RANGRF: variants seen among roughly 807,000 people sequenced by gnomAD.
RANGRF encodes RAN guanine nucleotide release factor.
Under a neutral mutation model 21.8 loss-of-function variants are expected in RANGRF, and 17 were observed. The ratio of observed to expected loss-of-function variants is 0.78; its 90% CI spans 0.53 to 1.17. The LOEUF (loss-of-function observed/expected upper bound fraction) is 1.17, where lower values mean the gene tolerates loss of function less well. Among genes scored for constraint, RANGRF ranks in the 50% most tolerant of loss-of-function variants. RANGRF has a pLI of 0.00. For missense variants in RANGRF, 225 were observed against 235.5 expected, an observed-to-expected ratio of 0.96 and a Z score of 0.29; for synonymous variants, 97 against 94.3, an observed-to-expected ratio of 1.03 and a Z score of -0.17.
rs369313473 is a variant in RANGRF, at chr17:8,289,774, T to A, written c.438-39T>A. On this transcript the variant is annotated intron_variant, in intron 4 of 4. Coordinates refer to ENST00000226105, the MANE Select transcript of RANGRF (RefSeq NM_016492.5). ...ATTGGCAATTTCCAAACCTCAGGCC[T>A]GGATGATGTTCTGTCTCCATCTGTT... 1.7e-5 allele frequency: 28 copies of A among 1,613,558 alleles called. No homozygotes were observed. The African/African-American group carries it at 3.6e-4, about 21-fold the overall frequency.
Position 8,290,050 on chromosome 17 carries a change from G to A in RANGRF, c.*114G>A. ...ATTTCTTCCCTGTGCGTAAACATAAGACAATCCCTCTTCAGAATAAACTTG... is the reference window on the plus strand; with the variant it reads ...ATTTCTTCCCTGTGCGTAAACATAAAACAATCCCTCTTCAGAATAAACTTG... On this transcript the variant is annotated 3_prime_UTR_variant, in exon 5 of 5. Coordinates refer to ENST00000226105, the MANE Select transcript of RANGRF (RefSeq NM_016492.5). 1 of 1,579,790 alleles carries A rather than the reference G, an allele frequency of 6.3e-7. No homozygotes were observed. Among genetic ancestry groups the A allele is most frequent in the Non-Finnish European group, 8.6e-7 (1 of 1,160,500 alleles).
In RANGRF at chr17:8,288,681, C is replaced by G. The variant is rs983845116; in HGVS notation, c.-108C>G. 27 of 1,286,978 alleles carry G rather than the reference C, an allele frequency of 2.1e-5. No individual in the cohort carries two copies. The highest frequency in any genetic ancestry group is 3.0e-5 in the Non-Finnish European group (27 of 886,872). 79.7% of individuals were successfully genotyped at this position (1,286,978 alleles called of 1,614,324 possible). On this transcript the variant is annotated 5_prime_UTR_variant, in exon 1 of 5. Coordinates refer to ENST00000226105, the MANE Select transcript of RANGRF (RefSeq NM_016492.5). ...ATCTTAAAGGATCCGGGAGCTAAGC[C>G]AGACCCGGGTGGCGGTGGCAGCTGC...
rs141507740 is a variant in RANGRF at position 8,288,787 on chromosome 17, C to A, written c.-2C>A. 4 of 1,614,058 alleles carry A rather than the reference C, an allele frequency of 2.5e-6. No individual in the cohort carries two copies. Among genetic ancestry groups the A allele is most frequent in the Middle Eastern group, 1.6e-4 (1 of 6,062 alleles). On this transcript the variant is annotated 5_prime_UTR_variant, in exon 1 of 5. Coordinates refer to ENST00000226105, the MANE Select transcript of RANGRF (RefSeq NM_016492.5). ...TAATGCCCATAACCCAGCCTCAGAC[C>A]CATGGAGCCCACGAGAGACTGCCCG...
chr17:8,289,516 T>TGAC lies in RANGRF; in HGVS notation c.366_368dup (p.Thr123dup). The TGAC allele has an allele frequency of 6.2e-7, 1 of 1,614,178 alleles. No individual in the cohort carries two copies. The highest frequency in any genetic ancestry group is 8.5e-7 in the Non-Finnish European group (1 of 1,180,034). ...TGATCCCCTTAGGTAGCAAAGGACG[T>TGAC]GACACTTCATCAGGCCTTGCTGAGG... On this transcript the variant is annotated inframe_insertion, in exon 4 of 5. Coordinates refer to ENST00000226105, the MANE Select transcript of RANGRF (RefSeq NM_016492.5).
rs151189313 is a variant in RANGRF, at chr17:8,289,515, G to A, written c.364G>A (p.Val122Met). ...CTGATCCCCTTAGGTAGCAAAGGAC[G>A]TGACACTTCATCAGGCCTTGCTGAG... ...AKENQQVAKD[V>M]TLHQALLRLP... is the part of the protein sequence containing the mutation. The change falls in exon 4 of 5, where the codon GTG becomes ATG. Residue 122 changes from valine to methionine, a missense_variant. Coordinates refer to ENST00000226105, the MANE Select transcript of RANGRF (RefSeq NM_016492.5). 34 of 1,614,202 alleles carry A rather than the reference G, an allele frequency of 2.1e-5. No homozygotes were observed. The African/African-American group carries it at 4.4e-4, about 21-fold the overall frequency.
chr17:8,289,380 C>A lies in RANGRF; in HGVS notation c.317C>A (p.Ser106Tyr). 6.2e-7 allele frequency: 1 copy of A among 1,614,090 alleles called. No homozygotes were observed. The highest frequency in any genetic ancestry group is 1.3e-5 in the African/African-American group (1 of 75,018). Residue 106 changes from serine to tyrosine, a missense_variant, in exon 3 of 5, where the codon TCT becomes TAT. Physicochemically the swap from Ser to Tyr is moderately radical, Grantham distance 144. Coordinates refer to ENST00000226105, the MANE Select transcript of RANGRF (RefSeq NM_016492.5). Reference sequence around the variant, plus strand: ...CGCTGTCAAGAAGCCTGGGTCCTCTCTGGCAAGCAGCAGATAGCTAAGGAA... The same window carrying A: ...CGCTGTCAAGAAGCCTGGGTCCTCTATGGCAAGCAGCAGATAGCTAAGGAA... ...RGRCQEAWVLSGKQQIAKENQ... is the reference protein window; with the variant it reads ...RGRCQEAWVLYGKQQIAKENQ...
Position 8,288,898 on chromosome 17 carries a change from C to G in RANGRF, c.77+33C>G, listed in dbSNP as rs776014099. 1.8e-5 allele frequency: 29 copies of G among 1,614,032 alleles called. No homozygotes were observed. In the South Asian group the frequency reaches 3.2e-4, roughly 18 times the overall value. ...GGCCGGGGCGCCCAGGGGCGGCTGA[C>G]TGGGTGGGTTGTGGGAAGAGACCGG... On this transcript the variant is annotated intron_variant, in intron 1 of 4. Coordinates refer to ENST00000226105, the MANE Select transcript of RANGRF (RefSeq NM_016492.5).
At chr17:8,289,200 G>A (rs1990282790) in intron 2 of RANGRF, 58 bp from the exon 3 acceptor site, 1 of 1,606,124 alleles carries the variant, frequency 6.2e-7, no homozygotes, top group Non-Finnish European at 8.5e-7. Context: ...GCAACTTAAA[G>A]ATGCTCCCGG....
rs1003532491 is a variant in RANGRF, at chr17:8,288,728, A to T, written c.-61A>T. 11 of 1,584,484 alleles carry T rather than the reference A, an allele frequency of 6.9e-6. No individual in the cohort carries two copies. Among genetic ancestry groups the T allele is most frequent in the Non-Finnish European group, 6.9e-6 (8 of 1,153,872 alleles). ...CTGCGAAACCCAGGGAGCCGATGCC[A>T]CGTGACCCAATGTGGACTTCTTTTA... is the stretch of plus-strand genomic sequence containing the variant. On this transcript the variant is annotated 5_prime_UTR_variant, in exon 1 of 5. Transcript: ENST00000226105.
rs1403856605 is a variant in RANGRF, at chr17:8,288,875, C to T, written c.77+10C>T. 6.2e-7 allele frequency: 1 copy of T among 1,614,204 alleles called. No individual in the cohort carries two copies. The highest frequency in any genetic ancestry group is 1.7e-5 in the Admixed American group (1 of 60,028). On this transcript the variant is annotated intron_variant, in intron 1 of 4. Coordinates refer to ENST00000226105, the MANE Select transcript of RANGRF (RefSeq NM_016492.5). Reference sequence around the variant, plus strand: ...GGGCCATTGACGTAAGGTGAGAAGGCCGGGGCGCCCAGGGGCGGCTGACTG... The same window carrying T: ...GGGCCATTGACGTAAGGTGAGAAGGTCGGGGCGCCCAGGGGCGGCTGACTG...
In RANGRF at chr17:8,289,051, T is replaced by A. The variant is rs1235670894; in HGVS notation, c.173T>A (p.Val58Glu). The part of the protein sequence containing the change: ...IVELLELQAH[V>E]RGEAAARYHF... Reference sequence around the variant, plus strand: ...GAACTTCTCGAGCTGCAGGCCCACGTACGGGGCGAAGCGGCTGCGCGGTGA... The same window carrying A: ...GAACTTCTCGAGCTGCAGGCCCACGAACGGGGCGAAGCGGCTGCGCGGTGA... The change falls in exon 2 of 5, where the codon GTA (valine) becomes GAA (glutamate). Residue 58 changes from valine to glutamate, a missense_variant. Coordinates refer to ENST00000226105, the MANE Select transcript of RANGRF (RefSeq NM_016492.5). The A allele has an allele frequency of 6.2e-7, 1 of 1,613,766 alleles. No homozygotes were observed. Among genetic ancestry groups the A allele is most frequent in the Non-Finnish European group, 8.5e-7 (1 of 1,179,980 alleles).
rs764685778 is a variant in RANGRF, at chr17:8,289,967, G to C, written c.*31G>C. On this transcript the variant is annotated 3_prime_UTR_variant, in exon 5 of 5. Transcript: ENST00000226105. ...CTGAAGCACTGCATGATGTTGCTGAGAACTTGGGGACTCGGTTCTGTGAGG... is the reference window on the plus strand; with the variant it reads ...CTGAAGCACTGCATGATGTTGCTGACAACTTGGGGACTCGGTTCTGTGAGG... 3 of 1,613,524 alleles carry C rather than the reference G, an allele frequency of 1.9e-6. No homozygotes were observed. The highest frequency in any genetic ancestry group is 2.5e-6 in the Non-Finnish European group (3 of 1,179,458).
chr17:8,288,935 G>A (rs1990251064), intron 1 of RANGRF, 21 bp from the exon 2 acceptor site: 2 of 1,613,928 alleles, frequency 1.2e-6, no homozygotes, highest in African/African-American at 2.7e-5. Context: ...GTCAACCAGG[G>A]TCTGCCTCGC....
At chr17:8,289,715 G>A in intron 4 of RANGRF, 98 bp from the exon 5 acceptor site, 2 of 1,613,622 alleles carry the variant, frequency 1.2e-6, no homozygotes, top group Admixed American at 3.3e-5. Context: ...AGAGGTTTGG[G>A]GTAACTGATA....
Position 8,289,239 on chromosome 17 carries a change from C to A in RANGRF, c.195-19C>A. The A allele has an allele frequency of 1.2e-6, 2 of 1,612,720 alleles. No individual in the cohort carries two copies. The highest frequency in any genetic ancestry group is 1.7e-6 in the Non-Finnish European group (2 of 1,179,850). On this transcript the variant is annotated intron_variant, in intron 2 of 4. Transcript: ENST00000226105. Reference sequence around the variant, plus strand: ...GGCGACCAGAGATGTCCCTTCCTGACCCCGCTTCCCTACTCCAGGTACCAC... The same window carrying A: ...GGCGACCAGAGATGTCCCTTCCTGAACCCGCTTCCCTACTCCAGGTACCAC...
Position 8,289,535 on chromosome 17 carries a change from G to A in RANGRF, c.384G>A (p.Leu128=), listed in dbSNP as rs1376123849. The change falls in exon 4 of 5, where the codon TTG becomes TTA. Residue 128 remains leucine, a synonymous_variant. Coordinates refer to ENST00000226105, the MANE Select transcript of RANGRF (RefSeq NM_016492.5). ...VAKDVTLHQA[L]LRLPQYQTDL... ...AGGACGTGACACTTCATCAGGCCTT[G>A]CTGAGGCTGCCCCAGTACCAGACTG... 1 of 1,614,172 alleles carries A rather than the reference G, an allele frequency of 6.2e-7. No individual in the cohort carries two copies. Among genetic ancestry groups the A allele is most frequent in the Non-Finnish European group, 8.5e-7 (1 of 1,180,038 alleles).
At position 8,289,527 on chromosome 17, in the gene RANGRF, C is replaced by T; in HGVS notation, c.376C>T (p.Gln126Ter). ...QQVAKDVTLH[Q>*]ALLRLPQYQT... ...GGTAGCAAAGGACGTGACACTTCAT[C>T]AGGCCTTGCTGAGGCTGCCCCAGTA... The change falls in exon 4 of 5, where the codon CAG becomes TAG. Residue 126 changes from glutamine to a stop codon, truncating the protein, a stop_gained. Transcript: ENST00000226105. LOFTEE classifies it high-confidence loss of function. The T allele has an allele frequency of 1.9e-6, 3 of 1,614,190 alleles. No homozygotes were observed. The highest frequency in any genetic ancestry group is 2.5e-6 in the Non-Finnish European group (3 of 1,180,042).
chr17:8,290,045 C>G lies in RANGRF; in HGVS notation c.*109C>G. 1 of 1,586,134 alleles carries G rather than the reference C, an allele frequency of 6.3e-7. No homozygotes were observed. Among genetic ancestry groups the G allele is most frequent in the East Asian group, 2.3e-5 (1 of 44,434 alleles). On this transcript the variant is annotated 3_prime_UTR_variant, in exon 5 of 5. Coordinates refer to ENST00000226105, the MANE Select transcript of RANGRF (RefSeq NM_016492.5). ...CTCTTATTTCTTCCCTGTGCGTAAA[C>G]ATAAGACAATCCCTCTTCAGAATAA...
Position 8,289,703 on chromosome 17 carries a change from C to A in RANGRF, c.438-110C>A, listed in dbSNP as rs1325937691. 1.6e-5 allele frequency: 25 copies of A among 1,611,706 alleles called. 1 individual carries two copies. Among genetic ancestry groups the A allele is most frequent in the South Asian group, 3.3e-5 (3 of 90,840 alleles). ...GATCCTCCAAGGAAGCAGGAGTGGG[C>A]CAGAGGTTTGGGGTAACTGATACCC... On this transcript the variant is annotated intron_variant, in intron 4 of 4. Coordinates refer to ENST00000226105, the MANE Select transcript of RANGRF (RefSeq NM_016492.5).
Sources: allele counts gnomAD v4.1 joint callset, GRCh38; gene constraint gnomAD v4.1.1; transcripts MANE v1.5; gene names NCBI Gene and HGNC (gene_info 2026-07-23, HGNC 2026-07-21).